Variants in IL1RAPL1 observed in about 807,000 individuals in gnomAD.
IL1RAPL1 encodes interleukin 1 receptor accessory protein like 1.
IL1RAPL1 carries 3 observed loss-of-function variants against 48.4 expected under a neutral mutation model. That is an observed-to-expected ratio of 0.06 (90% CI 0.03 to 0.16). The LOEUF (loss-of-function observed/expected upper bound fraction) is 0.16. IL1RAPL1 is among the 10% of genes least tolerant of loss of function. IL1RAPL1 has a pLI of 1.00. For missense variants in IL1RAPL1, 349 were observed against 530.6 expected, an observed-to-expected ratio of 0.66 and a Z score of 3.36; for synonymous variants, 185 against 187.7, an observed-to-expected ratio of 0.99 and a Z score of 0.12.
chrX:29,205,626 G>T lies in IL1RAPL1; in HGVS notation c.83-77312G>T, dbSNP rs185843627. On this transcript the variant is annotated intron_variant, in intron 2 of 10. Transcript: ENST00000378993. ...AATGGGCATTATAGTAATAGGTATTGCATAAAGTAACTGTGAGGATTAAAT... is the reference window on the plus strand; with the variant it reads ...AATGGGCATTATAGTAATAGGTATTTCATAAAGTAACTGTGAGGATTAAAT... 2.3e-4 allele frequency among the ~76,000 whole-genome samples: 26 copies of T among 111,940 alleles called. No individual in the cohort carries two copies. In the East Asian group the frequency reaches 7.0e-3, roughly 30 times the overall value.
intron 6 of IL1RAPL1, among the ~76,000 whole-genome samples, chrX:29,717,001 T>C (rs928299415): frequency 1.8e-5 from 2 of 111,156 alleles, no homozygotes; most frequent in African/African-American, 6.5e-5. Flanking sequence ...CTATTTGCTA[T>C]TGAATATTGA....
chrX:29,580,436 A>T (rs185797280), intron 5 of IL1RAPL1, among the ~76,000 whole-genome samples: 73 of 111,802 alleles, frequency 6.5e-4, no homozygotes, highest in African/African-American at 2.3e-3. Context: ...TTGTGTTACT[A>T]GCTCAGGCAT....
chrX:29,561,118 A>T (rs1470847492), intron 5 of IL1RAPL1, among the ~76,000 whole-genome samples: 1 of 112,074 alleles, frequency 8.9e-6, no homozygotes, highest in African/African-American at 3.2e-5. Context: ...AAGAAGCTTT[A>T]TGTTTGAATG....
At chrX:28,723,605 C>G (rs1156343689) in intron 1 of IL1RAPL1, among the ~76,000 whole-genome samples, 1 of 111,608 alleles carries the variant, frequency 9.0e-6, no homozygotes, top group Non-Finnish European at 1.9e-5. Flanking sequence ...CAGTTCTGCT[C>G]TGATCTTAGT....
At chrX:28,903,930 G>GAT (rs1187795695) in intron 2 of IL1RAPL1, among the ~76,000 whole-genome samples, 1 of 109,240 alleles carries the variant, frequency 9.2e-6, no homozygotes, top group Non-Finnish European at 1.9e-5. Context: ...ATATGTATCT[G>GAT]ATATATATAA....
intron 5 of IL1RAPL1, among the ~76,000 whole-genome samples, chrX:29,462,279 T>C (rs1228666137): frequency 1.8e-5 from 2 of 111,417 alleles, no homozygotes; most frequent in Non-Finnish European, 3.8e-5. Flanking sequence ...AAATAAAATA[T>C]TGCTTGGGGA....
At chrX:28,721,543 T>A (rs1452859478) in intron 1 of IL1RAPL1, among the ~76,000 whole-genome samples, 1 of 111,631 alleles carries the variant, frequency 9.0e-6, no homozygotes, top group Non-Finnish European at 1.9e-5. Context: ...ATTCTATAGG[T>A]TGCCTGTGCA....
In IL1RAPL1 at chrX:29,075,029, T is replaced by C. The variant is rs760796371; in HGVS notation, c.83-207909T>C. Among the ~76,000 whole-genome samples, 17 of 112,144 alleles carry C rather than the reference T, an allele frequency of 1.5e-4. No homozygotes were observed. In the South Asian group the frequency reaches 2.6e-3, roughly 17 times the overall value. ...AATAATCAAGGCATTTTATTTTAAT[T>C]AATGGCCTTGTTACAGTTCTGTTTC... On this transcript the variant is annotated intron_variant, in intron 2 of 10. Coordinates refer to ENST00000378993, the MANE Select transcript of IL1RAPL1 (RefSeq NM_014271.4).
chrX:29,705,446 C>T (rs749303144), intron 6 of IL1RAPL1, among the ~76,000 whole-genome samples: 7 of 112,140 alleles, frequency 6.2e-5, no homozygotes, highest in African/African-American at 2.3e-4. Context: ...AACTCCTGAG[C>T]GCAAGTGTTC....
chrX:28,718,848 A>G (rs191000200), intron 1 of IL1RAPL1, among the ~76,000 whole-genome samples: 69 of 111,527 alleles, frequency 6.2e-4, no homozygotes, highest in African/African-American at 2.2e-3. Context: ...ATGGATATAT[A>G]TAGATAAATA....
chrX:29,539,737 C>T (rs903535723), intron 5 of IL1RAPL1, among the ~76,000 whole-genome samples: 4 of 111,249 alleles, frequency 3.6e-5, no homozygotes, highest in Non-Finnish European at 7.5e-5. Context: ...TCCCCTCTTG[C>T]GTTCCACCAT....
chrX:29,545,039 CA>C (rs1205283501), intron 5 of IL1RAPL1, among the ~76,000 whole-genome samples: 1 of 110,209 alleles, frequency 9.1e-6, no homozygotes, highest in Non-Finnish European at 1.9e-5. Context: ...ATCTGCAAGT[CA>C]AGGAGAGAGG....
intron 5 of IL1RAPL1, among the ~76,000 whole-genome samples, chrX:29,457,112 C>A (rs1418287861): frequency 1.8e-5 from 2 of 109,410 alleles, no homozygotes; most frequent in East Asian, 2.9e-4. Context: ...CCATCCTGAG[C>A]AAGAGAGTGA....
At chrX:28,839,056 G>A (rs1261981041) in intron 2 of IL1RAPL1, among the ~76,000 whole-genome samples, 1 of 111,610 alleles carries the variant, frequency 9.0e-6, no homozygotes, top group East Asian at 2.8e-4. Flanking sequence ...TGATTATAAA[G>A]GTGAGGAAAA....
At chrX:28,758,821 T>C (rs1936133317) in intron 1 of IL1RAPL1, among the ~76,000 whole-genome samples, 1 of 112,227 alleles carries the variant, frequency 8.9e-6, no homozygotes, top group Non-Finnish European at 1.9e-5. Flanking sequence ...CCACCAAAAA[T>C]GTCCTTTTAT....
At chrX:29,078,539 C>T (rs1176342759) in intron 2 of IL1RAPL1, among the ~76,000 whole-genome samples, 8 of 111,960 alleles carry the variant, frequency 7.1e-5, no homozygotes, top group Non-Finnish European at 1.1e-4. Flanking sequence ...ATTACATAAT[C>T]AGTGCTCCGT....
At chrX:28,607,017 T>C (rs1399643695) in intron 1 of IL1RAPL1, among the ~76,000 whole-genome samples, 3 of 110,561 alleles carry the variant, frequency 2.7e-5, no homozygotes, top group African/African-American at 9.8e-5. Flanking sequence ...TACTGAAAAA[T>C]AGTTATAACG....
intron 6 of IL1RAPL1, among the ~76,000 whole-genome samples, chrX:29,819,232 A>G (rs189510674): frequency 8.9e-6 from 1 of 112,098 alleles, no homozygotes; most frequent in Non-Finnish European, 1.9e-5. Flanking sequence ...TTGAACTGCT[A>G]AAAGTCAAGT....
At position 29,956,319 on chromosome X, in the gene IL1RAPL1, C is replaced by T. The variant is rs1266602690; in HGVS notation, c.*499C>T. The T allele has an allele frequency of 3.3e-5, 3 of 90,578 alleles. No homozygotes were observed. The highest frequency in any genetic ancestry group is 1.3e-4 in the African/African-American group (3 of 23,879). The allele number at this position is 90,578 out of a possible 1,213,427, so 7.5% of individuals were successfully genotyped here. ...ACAGTGCAACAAATGCCAGCATTGC[C>T]ATTCGGGGGAAAAAAAAAAAAAAAA... On this transcript the variant is annotated 3_prime_UTR_variant, in exon 11 of 11. Coordinates refer to ENST00000378993, the MANE Select transcript of IL1RAPL1 (RefSeq NM_014271.4).
Sources: gnomAD v4.1 joint callset for allele counts (sites outside exome capture counted in the v4.1 genomes callset) on GRCh38, gnomAD v4.1.1 for gene constraint, MANE v1.5 for transcripts, NCBI Gene and HGNC (gene_info 2026-07-23, HGNC 2026-07-21) for gene names.